Variants in PRKN observed in about 807,000 individuals in gnomAD.
PRKN encodes the protein parkin RBR E3 ubiquitin protein ligase.
Under a neutral mutation model 59.5 loss-of-function variants are expected in PRKN, and 56 were observed. The ratio of observed to expected loss-of-function variants is 0.94; its 90% confidence interval spans 0.76 to 1.18. The LOEUF is 1.18. Ranked by LOEUF, PRKN falls within the 50% of genes most tolerant of loss-of-function variation. The pLI is 0.00. For missense variants in PRKN, 657 were observed against 596.4 expected, an observed-to-expected ratio of 1.10 and a Z score of -1.06; for synonymous variants, 250 against 222.1, an observed-to-expected ratio of 1.13 and a Z score of -1.12.
intron 4 of PRKN, among the ~76,000 whole-genome samples, chr6:162,134,550 GAATTTATTTA>G (rs1292235063): frequency 6.6e-6 from 1 of 152,126 alleles, no homozygotes; most frequent in Non-Finnish European, 1.5e-5. Flanking sequence ...CAAGGACATG[GAATTTATTTA>G]ACTAGAATGT....
chr6:162,348,937 A>G (rs1411735958), intron 2 of PRKN, among the ~76,000 whole-genome samples: 1 of 152,216 alleles, frequency 6.6e-6, no homozygotes, highest in African/African-American at 2.4e-5. Flanking sequence ...ATCACTACAG[A>G]TTGTGCAGAT....
chr6:161,998,815 AC>A (rs771967839), intron 5 of PRKN, among the ~76,000 whole-genome samples: 6 of 152,014 alleles, frequency 3.9e-5, no homozygotes, highest in East Asian at 1.9e-4. Flanking sequence ...ATATTTCCTA[AC>A]CCCCAAAATG....
At chr6:162,416,533 T>C (rs1369208252) in intron 2 of PRKN, among the ~76,000 whole-genome samples, 1 of 152,240 alleles carries the variant, frequency 6.6e-6, no homozygotes, top group Non-Finnish European at 1.5e-5. Flanking sequence ...TGGAAGCATT[T>C]TGATAAATTC....
intron 6 of PRKN, among the ~76,000 whole-genome samples, chr6:161,880,325 C>G (rs1011782508): frequency 1.3e-5 from 2 of 152,088 alleles, no homozygotes; most frequent in African/African-American, 4.8e-5. Flanking sequence ...TCTGGTCATC[C>G]TCACATAATT....
At chr6:162,187,932 T>C (rs1044212322) in intron 4 of PRKN, among the ~76,000 whole-genome samples, 1 of 152,120 alleles carries the variant, frequency 6.6e-6, no homozygotes, top group Non-Finnish European at 1.5e-5. Flanking sequence ...CATCTTAAAT[T>C]GTAACTCCCA....
At chr6:161,589,418 A>G (rs1043840191) in intron 7 of PRKN, among the ~76,000 whole-genome samples, 2 of 152,206 alleles carry the variant, frequency 1.3e-5, no homozygotes, top group Non-Finnish European at 2.9e-5. Context: ...AAATAAACCT[A>G]TTCTAAGAAA....
At chr6:161,741,941 GATTTATTTATTTATTTATTTATTT>G (rs71805664) in intron 7 of PRKN, among the ~76,000 whole-genome samples, 1 of 143,792 alleles carries the variant, frequency 7.0e-6, no homozygotes, top group Non-Finnish European at 1.5e-5. Context: ...GATCTGATGG[GATTTATTTATTTATTTATTTATTT>G]ATTTATTTAT....
At position 161,360,508 on chromosome 6, in the gene PRKN, G is replaced by T. The variant is rs1053546662; in HGVS notation, c.1168-303C>A. Among the ~76,000 whole-genome samples the T allele has an allele frequency of 3.3e-5, 5 of 152,190 alleles. No homozygotes were observed. In the South Asian group the frequency reaches 1.0e-3, roughly 32 times the overall value. Reference sequence around the variant, plus strand: ...ACACCTATCAGGTGCTTAAAATGCAGGCAAGGTGATCAATGCTCAAATACA... The same window carrying T: ...ACACCTATCAGGTGCTTAAAATGCATGCAAGGTGATCAATGCTCAAATACA... On this transcript the variant is annotated intron_variant, in intron 10 of 11. Transcript: ENST00000366898. This position sits in a 1 kb window ranked among gnomAD's most constrained non-coding sequence, Gnocchi z 5.1.
chr6:162,372,818 A>G (rs186170797), intron 2 of PRKN, among the ~76,000 whole-genome samples: 1 of 152,326 alleles, frequency 6.6e-6, no homozygotes, highest in Admixed American at 6.5e-5. Flanking sequence ...CTGACACTAA[A>G]GCCCGTGTAT....
intron 1 of PRKN, among the ~76,000 whole-genome samples, chr6:162,683,221 C>T (rs936798116): frequency 1.3e-5 from 2 of 152,156 alleles, no homozygotes; most frequent in East Asian, 3.8e-4. Flanking sequence ...AGAGTAATCA[C>T]TAACCACAGA....
chr6:162,496,811 T>C (rs1452052637), intron 1 of PRKN, among the ~76,000 whole-genome samples: 1 of 152,182 alleles, frequency 6.6e-6, no homozygotes, highest in African/African-American at 2.4e-5. Flanking sequence ...ATTGTAGCCA[T>C]AATTATGTAT....
At chr6:161,559,270 C>T (rs1405886538) in intron 8 of PRKN, among the ~76,000 whole-genome samples, 2 of 152,188 alleles carry the variant, frequency 1.3e-5, no homozygotes, top group Non-Finnish European at 2.9e-5. Flanking sequence ...GCAGCACCCA[C>T]TTCCAGTGTA....
At chr6:161,908,209 C>A (rs562197287) in intron 6 of PRKN, among the ~76,000 whole-genome samples, 1 of 152,122 alleles carries the variant, frequency 6.6e-6, no homozygotes, top group African/African-American at 2.4e-5. Context: ...AGCTCGGAAC[C>A]GTCAATGACC....
At chr6:162,224,726 C>A (rs960167836) in intron 3 of PRKN, among the ~76,000 whole-genome samples, 3 of 152,112 alleles carry the variant, frequency 2.0e-5, no homozygotes, top group Non-Finnish European at 4.4e-5. Context: ...TCTTTCTGGG[C>A]ACGGACCCAC....
chr6:161,549,080 T>C lies in PRKN; in HGVS notation c.934-77A>G. ...CCAAAGGGTTAGGAGCTACAGTGCA[T>C]GGGATTTCTTGCTTAACCAGTTTCA... On this transcript the variant is annotated intron_variant, in intron 8 of 11. Transcript: ENST00000366898. The surrounding 1 kb of genome is among the most constrained non-coding windows in gnomAD (Gnocchi z 6.0). 6.6e-7 allele frequency: 1 copy of C among 1,513,088 alleles called. No individual in the cohort carries two copies. Among genetic ancestry groups the C allele is most frequent in the South Asian group, 1.1e-5 (1 of 88,588 alleles). 93.7% of individuals were successfully genotyped at this position (1,513,088 alleles called of 1,614,324 possible).
intron 1 of PRKN, among the ~76,000 whole-genome samples, chr6:162,527,770 C>T (rs1167755593): frequency 6.6e-6 from 1 of 152,096 alleles, no homozygotes; most frequent in East Asian, 1.9e-4. Flanking sequence ...TAGCTCTCAT[C>T]AGCACTTTCT....
At chr6:161,910,550 C>T (rs780167526) in intron 6 of PRKN, among the ~76,000 whole-genome samples, 6 of 151,992 alleles carry the variant, frequency 3.9e-5, no homozygotes, top group African/African-American at 9.7e-5. Context: ...CCACTGCGCC[C>T]GGCTGAAAGA....
intron 4 of PRKN, among the ~76,000 whole-genome samples, chr6:162,116,375 T>C (rs142547495): frequency 6.5e-4 from 99 of 152,298 alleles, no homozygotes; most frequent in African/African-American, 2.3e-3. Flanking sequence ...TGGGTCTCAA[T>C]TGCTGATCAA....
Position 161,528,057 on chromosome 6 carries a change from C to T in PRKN, c.1083+20797G>A, listed in dbSNP as rs569162139. ...AGAAATCTTTTCTTCCTTCAAAATA[C>T]TTAACATATATTTGTGGGACAGAAG... is the stretch of plus-strand genomic sequence containing the variant. On this transcript the variant is annotated intron_variant, in intron 9 of 11. Transcript: ENST00000366898. Among the ~76,000 whole-genome samples, 4 of 152,278 alleles carry T rather than the reference C, an allele frequency of 2.6e-5. No individual in the cohort carries two copies. The South Asian group carries it at 8.3e-4, about 32-fold the overall frequency.
Sources: allele counts gnomAD v4.1 joint callset (sites outside exome capture counted in the v4.1 genomes callset), GRCh38; gene constraint gnomAD v4.1.1; non-coding constraint Gnocchi (gnomAD v3.1); transcripts MANE v1.5; gene names NCBI Gene and HGNC (gene_info 2026-07-23, HGNC 2026-07-21).